RANBP2: variants seen among roughly 807,000 people sequenced by gnomAD.
RANBP2 encodes RAN binding protein 2, also known as E3 SUMO-protein ligase RanBP2.
A neutral mutation model predicts 303.6 loss-of-function variants in RANBP2; 57 were observed. The ratio of observed to expected loss-of-function variants is 0.19; its 90% CI spans 0.15 to 0.23. RANBP2 has a LOEUF of 0.23. Among genes scored for constraint, RANBP2 ranks in the 10% least tolerant of loss-of-function variants. The pLI is 1.00. For missense variants in RANBP2, 3,138 were observed against 3,780.8 expected, an observed-to-expected ratio of 0.83 and a Z score of 4.46; for synonymous variants, 1,167 against 1,301.5, an observed-to-expected ratio of 0.90 and a Z score of 2.23.
At chr2:108,920,253 A>G in the RANBP2 span, among the ~76,000 whole-genome samples, 2 of 152,176 alleles carry the variant, frequency 1.3e-5, no homozygotes, top group African/African-American at 4.8e-5. Flanking sequence ...ACGTCATCAC[A>G]TCTTTCCTCC....
chr2:109,111,544 C>T, the RANBP2 span, among the ~76,000 whole-genome samples: 9 of 151,762 alleles, frequency 5.9e-5, no homozygotes, highest in Non-Finnish European at 1.0e-4. Flanking sequence ...AAGTCCATCT[C>T]TACAATGGTG....
chr2:109,263,315 A>G, the RANBP2 span, among the ~76,000 whole-genome samples: 3 of 152,208 alleles, frequency 2.0e-5, no homozygotes, highest in African/African-American at 4.8e-5. Context: ...GCTATTTTCT[A>G]TAAGGTGGGT....
the RANBP2 span, among the ~76,000 whole-genome samples, chr2:109,715,829 G>C: frequency 6.6e-6 from 1 of 152,130 alleles, no homozygotes; most frequent in South Asian, 2.1e-4. Flanking sequence ...TGAGCTATGT[G>C]CCAGGAAACA....
At chr2:109,637,893 G>A in the RANBP2 span, among the ~76,000 whole-genome samples, 4 of 152,262 alleles carry the variant, frequency 2.6e-5, no homozygotes, top group South Asian at 8.3e-4. Flanking sequence ...GGGAGGCGGA[G>A]GTTGCAGTGA....
At chr2:109,180,470 G>A in the RANBP2 span, among the ~76,000 whole-genome samples, 6 of 152,152 alleles carry the variant, frequency 3.9e-5, no homozygotes, top group Non-Finnish European at 7.4e-5. Flanking sequence ...CAGTGATATG[G>A]TTTGGCTCTG....
the RANBP2 span, among the ~76,000 whole-genome samples, chr2:109,385,443 G>A: frequency 0.42 from 64,625 of 152,118 alleles, 14,697 homozygotes; most frequent in Middle Eastern, 0.55. Flanking sequence ...GTAGCAGCGT[G>A]TTGTTTTTGA....
the RANBP2 span, among the ~76,000 whole-genome samples, chr2:108,891,992 AG>A: frequency 6.6e-6 from 1 of 152,060 alleles, no homozygotes; most frequent in Non-Finnish European, 1.5e-5. Context: ...TGTCTGAAAG[AG>A]GGGGCAAAGC....
the RANBP2 span, among the ~76,000 whole-genome samples, chr2:108,868,825 G>C: frequency 2.0e-5 from 3 of 152,032 alleles, no homozygotes; most frequent in Non-Finnish European, 4.4e-5. Context: ...GGGTTTTTGG[G>C]CAGAAACAAA....
chr2:108,774,179 T>A (rs180997138), intron 23 of RANBP2, among the ~76,000 whole-genome samples: 133 of 152,350 alleles, frequency 8.7e-4, no homozygotes, highest in Admixed American at 2.7e-3. Flanking sequence ...TAAACCTCAC[T>A]TGGTCATGGT....
chr2:108,885,908 G>A, the RANBP2 span, among the ~76,000 whole-genome samples: 1 of 152,124 alleles, frequency 6.6e-6, no homozygotes, highest in Non-Finnish European at 1.5e-5. Context: ...AATGACCTCT[G>A]GTTTTATCCA....
chr2:109,489,412 A>G, the RANBP2 span, among the ~76,000 whole-genome samples: 2 of 152,204 alleles, frequency 1.3e-5, no homozygotes, highest in Non-Finnish European at 2.9e-5. Context: ...GTGCTCTTAG[A>G]CAACCAGACC....
the RANBP2 span, among the ~76,000 whole-genome samples, chr2:109,539,893 G>T: frequency 6.6e-6 from 1 of 152,168 alleles, no homozygotes; most frequent in Non-Finnish European, 1.5e-5. Flanking sequence ...CCCTTTCATT[G>T]TATGGATGAA....
the RANBP2 span, among the ~76,000 whole-genome samples, chr2:109,406,093 C>G: frequency 6.6e-6 from 1 of 152,168 alleles, no homozygotes; most frequent in Non-Finnish European, 1.5e-5. Context: ...TCAGATGGCC[C>G]GTCCTGCTCA....
At chr2:109,199,014 A>T in the RANBP2 span, among the ~76,000 whole-genome samples, 1 of 152,018 alleles carries the variant, frequency 6.6e-6, no homozygotes, top group Non-Finnish European at 1.5e-5. Context: ...CTGTATTTAC[A>T]TGGTGGCCTT....
the RANBP2 span, among the ~76,000 whole-genome samples, chr2:109,670,311 A>AGTG: frequency 5.3e-5 from 1 of 18,722 alleles, no homozygotes; most frequent in Non-Finnish European, 1.0e-4. Context: ...CCTGTGGCAG[A>AGTG]GTGGGGGTGG....
the RANBP2 span, among the ~76,000 whole-genome samples, chr2:109,536,959 G>A: frequency 6.6e-6 from 1 of 152,150 alleles, no homozygotes; most frequent in African/African-American, 2.4e-5. Flanking sequence ...GGCTTCCCCA[G>A]CCACATGGAA....
At chr2:108,944,724 C>A in the RANBP2 span, among the ~76,000 whole-genome samples, 17 of 152,120 alleles carry the variant, frequency 1.1e-4, no homozygotes, top group African/African-American at 3.6e-4. Context: ...GCTGCAGCAC[C>A]CCCACCGTGC....
the RANBP2 span, among the ~76,000 whole-genome samples, chr2:109,422,511 A>G: frequency 2.6e-5 from 4 of 152,178 alleles, no homozygotes; most frequent in African/African-American, 9.7e-5. Context: ...GCCCGGAAAC[A>G]CAAGAAGGGT....
intron 6 of RANBP2, among the ~76,000 whole-genome samples, chr2:108,740,211 G>A (rs1279201011): frequency 6.6e-6 from 1 of 152,156 alleles, no homozygotes; most frequent in Non-Finnish European, 1.5e-5. Flanking sequence ...TTTGAAATGT[G>A]CACCTATAAT....
Sources: gnomAD v4.1 joint callset for allele counts (sites outside exome capture counted in the v4.1 genomes callset) on GRCh38, gnomAD v4.1.1 for gene constraint, MANE v1.5 for transcripts, NCBI Gene and HGNC (gene_info 2026-07-23, HGNC 2026-07-21) for gene names.